Variants in ITPKB observed in about 807,000 individuals in gnomAD.
The protein encoded by ITPKB is IP3 3-kinase B.
ITPKB carries 13 observed loss-of-function variants against 69.4 expected under a neutral mutation model. The observed-to-expected ratio is 0.19, with a 90% CI of 0.12 to 0.30. The LOEUF (loss-of-function observed/expected upper bound fraction) is 0.30. Ranked by LOEUF, ITPKB falls within the 10% of genes least tolerant of loss-of-function variation. ITPKB has a pLI of 1.00. For synonymous variants in ITPKB, 584 were observed against 513.7 expected, an observed-to-expected ratio of 1.14 and a Z score of -1.85; for missense variants, 1,240 against 1,250.5, an observed-to-expected ratio of 0.99 and a Z score of 0.13.
At chr1:226,681,783 C>A (rs761350703) in intron 2 of ITPKB, among the ~76,000 whole-genome samples, 13 of 152,118 alleles carry the variant, frequency 8.5e-5, no homozygotes, top group Non-Finnish European at 1.5e-4. Context: ...TTTTGGCAAC[C>A]CTGCAAAACA....
In ITPKB at chr1:226,686,358, A is replaced by C. The variant is rs77074009; in HGVS notation, c.1933-37587T>G. Reference sequence around the variant, plus strand: ...AAGGGAAGCCATAGTCAGTTTCAAAAAGAAGTGGAAAAGTTCCCTGGGGTT... The same window carrying C: ...AAGGGAAGCCATAGTCAGTTTCAAACAGAAGTGGAAAAGTTCCCTGGGGTT... On this transcript the variant is annotated intron_variant, in intron 2 of 7. Transcript: ENST00000429204. Among the ~76,000 whole-genome samples, 9 of 152,362 alleles carry C rather than the reference A, an allele frequency of 5.9e-5. No individual in the cohort carries two copies. In the East Asian group the frequency reaches 1.7e-3, roughly 29 times the overall value.
At chr1:226,676,813 A>G (rs1362447142) in intron 2 of ITPKB, among the ~76,000 whole-genome samples, 1 of 152,258 alleles carries the variant, frequency 6.6e-6, no homozygotes, top group Non-Finnish European at 1.5e-5. Flanking sequence ...CAAGTTGCCA[A>G]AACAATCCAC....
In ITPKB at chr1:226,669,443, A is replaced by G. The variant is rs929833558; in HGVS notation, c.1933-20672T>C. 3.9e-5 allele frequency among the ~76,000 whole-genome samples: 6 copies of G among 152,086 alleles called. No homozygotes were observed. In the East Asian group the frequency reaches 5.8e-4, roughly 15 times the overall value. ...TCCTGGTGTAAAATATGCTAGATGC[A>G]CCACTGATTCAGCTTCCCAACAAGA... is the stretch of plus-strand genomic sequence containing the variant. On this transcript the variant is annotated intron_variant, in intron 2 of 7. Transcript: ENST00000429204.
At chr1:226,682,829 C>T (rs538579012) in intron 2 of ITPKB, among the ~76,000 whole-genome samples, 1 of 152,292 alleles carries the variant, frequency 6.6e-6, no homozygotes, top group East Asian at 1.9e-4. Flanking sequence ...GCACCTCCAG[C>T]CTTTGTTCTC....
rs58756019 is a variant in ITPKB at position 226,701,603 on chromosome 1, CAAAAAAAAAAAAA to C, written c.1932+33911_1932+33923del. On this transcript the variant is annotated intron_variant, in intron 2 of 7. Transcript: ENST00000429204. ...TGGGCGAAAGAGTGAGACTCCGTCT[CAAAAAAAAAAAAA>C]AAAAAAAAAAAAAAACTTCACTTTA... 1.9e-3 allele frequency among the ~76,000 whole-genome samples: 84 copies of C among 44,874 alleles called. No homozygotes were observed. In the East Asian group the frequency reaches 0.053, roughly 28 times the overall value. The allele number at this position is 44,874 out of a possible 152,430, so 29.4% of individuals were successfully genotyped here.
rs113341417 is a variant in ITPKB, at chr1:226,709,798, C to T, written c.1932+25729G>A. Among the ~76,000 whole-genome samples, 1,411 of 152,288 alleles carry T rather than the reference C, an allele frequency of 9.3e-3. 25 individuals carry two copies. Among genetic ancestry groups the T allele is most frequent in the African/African-American group, 0.032 (1,348 of 41,548 alleles). On this transcript the variant is annotated intron_variant, in intron 2 of 7. Transcript: ENST00000429204. ...TCATTCTCTCTTGGGCCATGTCTTA[C>T]GGCATGATACTCCTGCCCAAGGACA...
Position 226,735,780 on chromosome 1 carries a change from G to A in ITPKB, c.1679C>T (p.Ala560Val), listed in dbSNP as rs925572367. 1.1e-5 allele frequency: 18 copies of A among 1,602,318 alleles called. No individual in the cohort carries two copies. The highest frequency in any genetic ancestry group is 1.5e-5 in the Non-Finnish European group (17 of 1,170,712). Residue 560 changes from alanine (A) to valine (V), a missense_variant, in exon 2 of 8, where the codon GCC becomes GTC. Around this residue, in one of 2 missense-constraint regions of ITPKB, gnomAD observed 992 missense variants for 853.8 expected, o/e 1.16. Coordinates refer to ENST00000429204, the MANE Select transcript of ITPKB (RefSeq NM_002221.4). ...AGCAGGTATGTTGCTGGGGCTGCAG[G>A]CCTTCCTCAGGAAAGGCTTGTCCGG... is the stretch of plus-strand genomic sequence containing the variant. The part of the protein sequence containing the change: ...QDPDKPFLRK[A>V]CSPSNIPAVI...
In ITPKB at chr1:226,738,462, G is replaced by A. The variant is rs1394186134; in HGVS notation, c.-206+579C>T. On this transcript the variant is annotated intron_variant, in intron 1 of 7. Coordinates refer to ENST00000429204, the MANE Select transcript of ITPKB (RefSeq NM_002221.4). The surrounding 1 kb of genome is among the most constrained non-coding windows in gnomAD (Gnocchi z 4.2). ...CGTCGTCCCCTATGGGGGGGTGTCT[G>A]TGAGTGTGTGTGTATACACGCGTGT... Among the ~76,000 whole-genome samples, 1 of 152,200 alleles carries A rather than the reference G, an allele frequency of 6.6e-6. No homozygotes were observed. Among genetic ancestry groups the A allele is most frequent in the African/African-American group, 2.4e-5 (1 of 41,464 alleles).
At chr1:226,656,718 G>C (rs1669297805) in intron 2 of ITPKB, 1 of 152,288 alleles carries the variant, frequency 6.6e-6, no homozygotes, top group South Asian at 2.1e-4. Flanking sequence ...GACGCAGAAT[G>C]CAATTCAAGT....
At chr1:226,731,782 C>T (rs1013545256) in intron 2 of ITPKB, among the ~76,000 whole-genome samples, 1 of 152,118 alleles carries the variant, frequency 6.6e-6, no homozygotes, top group African/African-American at 2.4e-5. Flanking sequence ...CCAGAAAGAT[C>T]CTCTCCATGT....
chr1:226,679,960 G>C (rs1213777548), intron 2 of ITPKB, among the ~76,000 whole-genome samples: 1 of 152,182 alleles, frequency 6.6e-6, no homozygotes, highest in African/African-American at 2.4e-5. Flanking sequence ...AGGGAGAAAA[G>C]GGAACTGCAA....
At chr1:226,711,588 T>G (rs1322009382) in intron 2 of ITPKB, among the ~76,000 whole-genome samples, 5 of 152,104 alleles carry the variant, frequency 3.3e-5, no homozygotes, top group Non-Finnish European at 7.3e-5. Context: ...ATGACAATCA[T>G]GGGTTGTTTG....
rs959596999 is a variant in ITPKB at position 226,633,121 on chromosome 1, C to T, written c.*1550G>A. The T allele has an allele frequency of 6.6e-6, 1 of 152,224 alleles. No individual in the cohort carries two copies. Among genetic ancestry groups the T allele is most frequent in the African/African-American group, 2.4e-5 (1 of 41,442 alleles). The allele number at this position is 152,224 out of a possible 1,614,324, so 9.4% of individuals were successfully genotyped here. On this transcript the variant is annotated 3_prime_UTR_variant, in exon 8 of 8. Coordinates refer to ENST00000429204, the MANE Select transcript of ITPKB (RefSeq NM_002221.4). ...TTGATTTCCTTTTTTAAAATCTGTA[C>T]TTATACATCCTCATGTGTCCCACCC...
chr1:226,660,504 GAGA>G (rs1261170546), intron 2 of ITPKB, among the ~76,000 whole-genome samples: 1 of 152,204 alleles, frequency 6.6e-6, no homozygotes, highest in African/African-American at 2.4e-5. Flanking sequence ...CATCTCTGGT[GAGA>G]AGGTCATTAA....
chr1:226,712,062 G>A (rs1487940350), intron 2 of ITPKB, among the ~76,000 whole-genome samples: 2 of 152,208 alleles, frequency 1.3e-5, no homozygotes, highest in East Asian at 1.9e-4. Context: ...CCCCGGTGGT[G>A]TACAGTAAGC....
At chr1:226,709,889 G>A (rs982392274) in intron 2 of ITPKB, among the ~76,000 whole-genome samples, 3 of 152,170 alleles carry the variant, frequency 2.0e-5, no homozygotes, top group African/African-American at 7.2e-5. Context: ...AAAGCTTGCT[G>A]ATGAGAGCAG....
chr1:226,711,784 C>T (rs1056070927), intron 2 of ITPKB, among the ~76,000 whole-genome samples: 2 of 152,108 alleles, frequency 1.3e-5, no homozygotes, highest in Non-Finnish European at 2.9e-5. Flanking sequence ...CTTAGCATCC[C>T]TCACCACCGT....
At chr1:226,705,829 C>A (rs1393433700) in intron 2 of ITPKB, among the ~76,000 whole-genome samples, 2 of 152,200 alleles carry the variant, frequency 1.3e-5, no homozygotes, top group African/African-American at 4.8e-5. Context: ...CTTAGGACTC[C>A]CTGTCAGGCA....
rs184862451 is a variant in ITPKB, at chr1:226,633,008, G to A, written c.*1663C>T. ...ATCACATGCTGCCACGAGGTCTCTC[G>A]TGCTCCACCGGGCGCGTGTGTGACC... On this transcript the variant is annotated 3_prime_UTR_variant, in exon 8 of 8. Coordinates refer to ENST00000429204, the MANE Select transcript of ITPKB (RefSeq NM_002221.4). 1 of 152,314 alleles carries A rather than the reference G, an allele frequency of 6.6e-6. No homozygotes were observed. Among genetic ancestry groups the A allele is most frequent in the East Asian group, 1.9e-4 (1 of 5,184 alleles). The allele number at this position is 152,314 out of a possible 1,614,324, so 9.4% of individuals were successfully genotyped here. A position where few individuals can be genotyped will look rare whatever the true frequency, so the allele number is the denominator to read the frequency against.
Sources: gnomAD v4.1 joint callset for allele counts (sites outside exome capture counted in the v4.1 genomes callset) on GRCh38, gnomAD v4.1.1 for gene constraint, gnomAD v4.1.1 regional missense constraint, Gnocchi (gnomAD v3.1) non-coding constraint, MANE v1.5 for transcripts, NCBI Gene and HGNC (gene_info 2026-07-23, HGNC 2026-07-21) for gene names.